SUPT3H: variants seen among roughly 807,000 people sequenced by gnomAD.
SUPT3H encodes the protein SPT3 homolog, SAGA and STAGA complex component, also known as transcription initiation protein SPT3 homolog.
SUPT3H carries 44 observed loss-of-function variants against 44.3 expected under a neutral mutation model. That is an observed-to-expected ratio of 0.99 (90% CI 0.78 to 1.28). The LOEUF (loss-of-function observed/expected upper bound fraction) is 1.28. Ranked by LOEUF, SUPT3H falls within the 50% of genes most tolerant of loss-of-function variation. SUPT3H has a pLI of 0.00. For synonymous variants in SUPT3H, 124 were observed against 125.6 expected (o/e 0.99, Z 0.09); for missense variants, 380 against 387.1 (o/e 0.98, Z 0.15).
At chr6:44,890,753 T>TATAATA (rs759182550) in intron 10 of SUPT3H, among the ~76,000 whole-genome samples, 46 of 114,388 alleles carry the variant, frequency 4.0e-4, no homozygotes, top group Non-Finnish European at 6.4e-4. Context: ...AAACTTAAAG[T>TATAATA]ATAATAATAA....
intron 6 of SUPT3H, among the ~76,000 whole-genome samples, chr6:44,976,268 T>C (rs1375671065): frequency 6.6e-6 from 1 of 152,120 alleles, no homozygotes; most frequent in African/African-American, 2.4e-5. Flanking sequence ...AGAATAATCA[T>C]AACAATCAAA....
chr6:45,205,677 A>T (rs965003947), intron 2 of SUPT3H, among the ~76,000 whole-genome samples: 3 of 151,992 alleles, frequency 2.0e-5, no homozygotes, highest in African/African-American at 7.2e-5. Flanking sequence ...AGTGCCTGTA[A>T]TCCTAGCTAC....
intron 10 of SUPT3H, among the ~76,000 whole-genome samples, chr6:44,922,961 A>G (rs1768965285): frequency 6.6e-6 from 1 of 152,076 alleles, no homozygotes; most frequent in Admixed American, 6.6e-5. Context: ...TTTCAGAGTC[A>G]CTCCAAGGAT....
intron 2 of SUPT3H, among the ~76,000 whole-genome samples, chr6:45,178,622 G>C (rs1365333772): frequency 6.6e-6 from 1 of 151,946 alleles, no homozygotes; most frequent in African/African-American, 2.4e-5. Flanking sequence ...ATTTTTTTCA[G>C]CACCACACCA....
At chr6:45,019,539 G>A (rs544046990) in intron 4 of SUPT3H, among the ~76,000 whole-genome samples, 1 of 151,978 alleles carries the variant, frequency 6.6e-6, no homozygotes, top group East Asian at 1.9e-4. Context: ...ATAATCCTTT[G>A]TAGCTTGTTC....
At chr6:45,028,807 T>C (rs1204040783) in intron 3 of SUPT3H, among the ~76,000 whole-genome samples, 2 of 142,114 alleles carry the variant, frequency 1.4e-5, no homozygotes, top group Non-Finnish European at 3.0e-5. Flanking sequence ...GTTCACTAAA[T>C]CAAGCCTTAC....
At chr6:45,220,040 C>CAAAA (rs67960187) in intron 2 of SUPT3H, among the ~76,000 whole-genome samples, 6 of 33,022 alleles carry the variant, frequency 1.8e-4, no homozygotes, top group African/African-American at 2.8e-4. Context: ...GACTCTGTCT[C>CAAAA]AAAAAAAAAA....
chr6:45,295,548 A>AAAAAAAAAAAAAAAAC lies in SUPT3H; in HGVS notation c.101+69652_101+69653insGTTTTTTTTTTTTTTT, dbSNP rs1554330142. Among the ~76,000 whole-genome samples, 6 of 90,218 alleles carry AAAAAAAAAAAAAAAAC rather than the reference A, an allele frequency of 6.7e-5. 1 individual carries two copies. Among genetic ancestry groups the AAAAAAAAAAAAAAAAC allele is most frequent in the Non-Finnish European group, 1.3e-4 (6 of 45,164 alleles). The allele number at this position is 90,218 out of a possible 152,430, so 59.2% of individuals were successfully genotyped here. On this transcript the variant is annotated intron_variant, in intron 2 of 10. Transcript: ENST00000371459. ...GCAAAAAAAAAAAAAAAAAAAAAAA[A>AAAAAAAAAAAAAAAAC]AAAAAACAGCAGAGTCAACAGACAA...
chr6:45,333,230 T>TA (rs2150092047), intron 2 of SUPT3H, among the ~76,000 whole-genome samples: 1 of 151,776 alleles, frequency 6.6e-6, no homozygotes, highest in Non-Finnish European at 1.5e-5. Flanking sequence ...ATTAATGTGT[T>TA]ACGATTCAAA....
At chr6:44,884,792 C>A (rs1001683903) in intron 10 of SUPT3H, among the ~76,000 whole-genome samples, 3 of 152,070 alleles carry the variant, frequency 2.0e-5, no homozygotes, top group African/African-American at 7.2e-5. Flanking sequence ...ACACTGTGGG[C>A]GAGCCGAAGC....
chr6:45,161,789 C>A (rs1809020960), intron 2 of SUPT3H, among the ~76,000 whole-genome samples: 1 of 152,134 alleles, frequency 6.6e-6, no homozygotes, highest in Non-Finnish European at 1.5e-5. Context: ...TTCAGCATCA[C>A]ACAAGTAGAC....
intron 2 of SUPT3H, among the ~76,000 whole-genome samples, chr6:45,111,915 C>T (rs1314805634): frequency 2.0e-5 from 3 of 152,112 alleles, no homozygotes; most frequent in Admixed American, 6.5e-5. Context: ...TACAATAATG[C>T]TGCTAGAAGT....
intron 10 of SUPT3H, among the ~76,000 whole-genome samples, chr6:44,928,567 CT>C (rs1390976944): frequency 2.0e-5 from 3 of 152,140 alleles, no homozygotes; most frequent in Admixed American, 1.3e-4. Context: ...CTTCTCTTAT[CT>C]TCTGTGTAGG....
chr6:45,261,042 T>C (rs116327389), intron 2 of SUPT3H, among the ~76,000 whole-genome samples: 2,669 of 152,088 alleles, frequency 0.018, 50 homozygotes, highest in South Asian at 0.085. Flanking sequence ...GAATTAGAAG[T>C]ATATTTTAAA....
intron 2 of SUPT3H, among the ~76,000 whole-genome samples, chr6:45,157,090 T>G (rs1807950537): frequency 6.6e-6 from 1 of 152,160 alleles, no homozygotes; most frequent in Non-Finnish European, 1.5e-5. Context: ...TTTATTTCTG[T>G]TAAAACACTG....
At chr6:45,264,847 C>T (rs1289530994) in intron 2 of SUPT3H, among the ~76,000 whole-genome samples, 2 of 151,248 alleles carry the variant, frequency 1.3e-5, no homozygotes, top group South Asian at 2.1e-4. Flanking sequence ...AGTAGGGAGA[C>T]GAGCAAAATT....
intron 3 of SUPT3H, among the ~76,000 whole-genome samples, chr6:45,024,608 T>TA (rs759818095): frequency 6.6e-6 from 1 of 152,222 alleles, no homozygotes; most frequent in Non-Finnish European, 1.5e-5. Context: ...TAGGCTCCAA[T>TA]AATTTTGGTT....
chr6:44,852,157 G>A (rs1382058412), intron 10 of SUPT3H, among the ~76,000 whole-genome samples: 1 of 152,174 alleles, frequency 6.6e-6, no homozygotes, highest in Non-Finnish European at 1.5e-5. Context: ...GGAAGAGGCT[G>A]AGAATCAATT....
At chr6:44,950,373 T>C (rs1180844373) in intron 9 of SUPT3H, among the ~76,000 whole-genome samples, 1 of 152,238 alleles carries the variant, frequency 6.6e-6, no homozygotes, top group Non-Finnish European at 1.5e-5. Context: ...AAAATCATTT[T>C]AATGTATGGT....
Sources: allele counts gnomAD v4.1 joint callset (sites outside exome capture counted in the v4.1 genomes callset), GRCh38; gene constraint gnomAD v4.1.1; transcripts MANE v1.5; gene names NCBI Gene and HGNC (gene_info 2026-07-23, HGNC 2026-07-21).